Variants in UBE4B observed in about 807,000 individuals in gnomAD.
UBE4B encodes the protein ubiquitination factor E4B, also known as ubiquitin conjugation factor E4 B.
In UBE4B, 27 loss-of-function variants were observed where a neutral mutation model predicts 148.1. The ratio of observed to expected loss-of-function variants is 0.18; its 90% confidence interval spans 0.13 to 0.25. The LOEUF (loss-of-function observed/expected upper bound fraction) is 0.25, where lower values mean the gene tolerates loss of function less well. Ranked by LOEUF, UBE4B falls within the 10% of genes least tolerant of loss-of-function variation. The pLI is 1.00. For synonymous variants in UBE4B, 596 were observed against 619.3 expected (o/e 0.96, Z 0.56); for missense variants, 1,170 against 1,662.4 (o/e 0.70, Z 5.15).
intron 2 of UBE4B, among the ~76,000 whole-genome samples, chr1:10,081,675 G>A (rs1252277587): frequency 1.3e-5 from 2 of 151,210 alleles, no homozygotes; most frequent in African/African-American, 2.4e-5. Context: ...TGCAACCTCC[G>A]CCTCCTGGAT....
chr1:10,175,529 T>C (rs1646411590), intron 25 of UBE4B, among the ~76,000 whole-genome samples: 2 of 151,686 alleles, frequency 1.3e-5, no homozygotes, highest in Admixed American at 1.3e-4. Context: ...CGGGCGCCCG[T>C]AGACCCAGCT....
rs980699049 is a variant in UBE4B at position 10,084,472 on chromosome 1, G to A, written c.212-10989G>A. Reference sequence around the variant, plus strand: ...ATTCACCCCAAAAGGCCTATAACCAGTAGAGATCGTGCCACACAAACCACT... The same window carrying A: ...ATTCACCCCAAAAGGCCTATAACCAATAGAGATCGTGCCACACAAACCACT... On this transcript the variant is annotated intron_variant, in intron 2 of 27. Coordinates refer to ENST00000343090, the MANE Select transcript of UBE4B (RefSeq NM_001105562.3). Among the ~76,000 whole-genome samples, 3 of 152,020 alleles carry A rather than the reference G, an allele frequency of 2.0e-5. No individual in the cohort carries two copies. In the South Asian group the frequency reaches 6.2e-4, roughly 32 times the overall value.
intron 9 of UBE4B, among the ~76,000 whole-genome samples, chr1:10,120,986 C>G (rs957835910): frequency 2.0e-5 from 3 of 152,130 alleles, no homozygotes; most frequent in Admixed American, 6.6e-5. Context: ...TGTACCAAAA[C>G]TTTAAAAAAC....
intron 1 of UBE4B, among the ~76,000 whole-genome samples, chr1:10,049,579 TA>T (rs34390177): frequency 9.6e-4 from 139 of 145,202 alleles, no homozygotes; most frequent in Middle Eastern, 3.5e-3. Context: ...ACCTTTTCTC[TA>T]AAAAAAAAAA....
In UBE4B at chr1:10,134,942, A is replaced by T. The variant is rs761423154; in HGVS notation, c.2026-46A>T. On this transcript the variant is annotated intron_variant, in intron 15 of 27. Transcript: ENST00000343090. ...AGAGTGAGACCCCATCTCAAAAAAA[A>T]TTTTTTTTAATGTTTAAAAATACTT... is the stretch of plus-strand genomic sequence containing the variant. The T allele has an allele frequency of 2.2e-5, 35 of 1,573,704 alleles. 1 individual carries two copies. Among genetic ancestry groups the T allele is most frequent in the African/African-American group, 1.4e-4 (10 of 73,082 alleles).
At chr1:10,109,805 C>A (rs1557561821) in intron 7 of UBE4B, among the ~76,000 whole-genome samples, 1 of 152,096 alleles carries the variant, frequency 6.6e-6, no homozygotes, top group Non-Finnish European at 1.5e-5. Context: ...TGCATGCCAC[C>A]ACACCTGGCT....
chr1:10,136,657 C>T (rs1037438868), intron 16 of UBE4B, among the ~76,000 whole-genome samples: 2 of 152,046 alleles, frequency 1.3e-5, no homozygotes, highest in Non-Finnish European at 2.9e-5. Context: ...TGGTGGCTCA[C>T]GCCTGTAATC....
At position 10,033,571 on chromosome 1, in the gene UBE4B, C is replaced by A; in HGVS notation, c.-100C>A. 1 of 1,359,062 alleles carries A rather than the reference C, an allele frequency of 7.4e-7. No homozygotes were observed. Among genetic ancestry groups the A allele is most frequent in the South Asian group, 1.8e-5 (1 of 56,700 alleles). The allele number at this position is 1,359,062 out of a possible 1,614,324, so 84.2% of individuals were successfully genotyped here. A position where few individuals can be genotyped will look rare whatever the true frequency, so the allele number is the denominator to read the frequency against. ...CTGAAACCTCCCCCATTCGGGGGAC[C>A]AGACAGCCTGATAGACACCTTCCAC... On this transcript the variant is annotated 5_prime_UTR_variant, in exon 1 of 28. Transcript: ENST00000343090.
At chr1:10,177,207 G>A (rs545345054) in intron 25 of UBE4B, among the ~76,000 whole-genome samples, 1 of 152,070 alleles carries the variant, frequency 6.6e-6, no homozygotes, top group African/African-American at 2.4e-5. Flanking sequence ...AAATACCCAA[G>A]GCTAGGTACT....
chr1:10,037,043 G>A lies in UBE4B; in HGVS notation c.24+3349G>A, dbSNP rs1041790880. ...ATTCTTGTGCTTTTTAAATTTTTTT[G>A]TGAGACAGAGTTTCGCTCTTGTTGC... is the stretch of plus-strand genomic sequence containing the variant. On this transcript the variant is annotated intron_variant, in intron 1 of 27. Transcript: ENST00000343090. 4.6e-5 allele frequency among the ~76,000 whole-genome samples: 7 copies of A among 151,864 alleles called. No homozygotes were observed. In the East Asian group the frequency reaches 1.2e-3, roughly 25 times the overall value.
chr1:10,063,850 A>G (rs181305266), intron 1 of UBE4B, among the ~76,000 whole-genome samples: 28 of 151,970 alleles, frequency 1.8e-4, no homozygotes, highest in Non-Finnish European at 3.8e-4. Flanking sequence ...AGAGGTTGCA[A>G]TGAGCCGAGA....
intron 1 of UBE4B, chr1:10,059,213 A>G (rs1398449773): frequency 3.3e-5 from 5 of 152,344 alleles, no homozygotes; most frequent in African/African-American, 1.2e-4. Flanking sequence ...CCTGGGGGAC[A>G]GAGCGAGACT....
At chr1:10,146,679 C>G (rs1645878460) in intron 18 of UBE4B, among the ~76,000 whole-genome samples, 1 of 152,110 alleles carries the variant, frequency 6.6e-6, no homozygotes, top group African/African-American at 2.4e-5. Context: ...TGTCGCCACC[C>G]TCTCCTCATC....
chr1:10,042,698 G>A (rs1214090584), intron 1 of UBE4B, among the ~76,000 whole-genome samples: 3 of 152,142 alleles, frequency 2.0e-5, no homozygotes, highest in Non-Finnish European at 4.4e-5. Context: ...GTCATTTGAT[G>A]AGAAGTGCTG....
At chr1:10,051,636 G>T (rs1644046606) in intron 1 of UBE4B, among the ~76,000 whole-genome samples, 1 of 152,134 alleles carries the variant, frequency 6.6e-6, no homozygotes, top group South Asian at 2.1e-4. Context: ...AGTGATTGGT[G>T]GCCTGAATGT....
At position 10,168,003 on chromosome 1, in the gene UBE4B, ACATGTGGCAGGCGGTT is replaced by A; in HGVS notation, c.3199-131_3199-116del. 3.7e-6 allele frequency: 4 copies of A among 1,089,276 alleles called. No homozygotes were observed. Among genetic ancestry groups the A allele is most frequent in the Non-Finnish European group, 3.7e-6 (3 of 805,406 alleles). 67.5% of individuals were successfully genotyped at this position (1,089,276 alleles called of 1,614,324 possible). Reference sequence around the variant, plus strand: ...AAGGATGAAACTTCAGTTATCTGGGACATGTGGCAGGCGGTTCTGTCATTCCCTAAGCATGTTGGGT... The same window carrying A: ...AAGGATGAAACTTCAGTTATCTGGGACTGTCATTCCCTAAGCATGTTGGGT... On this transcript the variant is annotated intron_variant, in intron 23 of 27. Transcript: ENST00000343090. The surrounding 1 kb of genome is among the most constrained non-coding windows in gnomAD (Gnocchi z 4.9).
intron 1 of UBE4B, among the ~76,000 whole-genome samples, chr1:10,068,867 G>C (rs1644436676): frequency 6.6e-6 from 1 of 152,182 alleles, no homozygotes; most frequent in African/African-American, 2.4e-5. Flanking sequence ...CCTGCTGTGG[G>C]CAGCCCAGAA....
At chr1:10,157,300 C>G (rs993565798) in intron 21 of UBE4B, among the ~76,000 whole-genome samples, 5 of 151,850 alleles carry the variant, frequency 3.3e-5, no homozygotes, top group African/African-American at 1.2e-4. Flanking sequence ...GGATTATAGG[C>G]GAGAGCCACC....
At chr1:10,053,076 C>T (rs538150575) in intron 1 of UBE4B, among the ~76,000 whole-genome samples, 3 of 152,266 alleles carry the variant, frequency 2.0e-5, no homozygotes, top group Non-Finnish European at 2.9e-5. Context: ...ATTTCATCAG[C>T]GACCCTCCCA....
Sources: allele counts gnomAD v4.1 joint callset (sites outside exome capture counted in the v4.1 genomes callset), GRCh38; gene constraint gnomAD v4.1.1; non-coding constraint Gnocchi (gnomAD v3.1); transcripts MANE v1.5; gene names NCBI Gene and HGNC (gene_info 2026-07-23, HGNC 2026-07-21).